The following CNTN4 variants were observed in gnomAD, a reference collection of about 807,000 sequenced individuals.
CNTN4 encodes contactin 4.
CNTN4 carries 77 observed loss-of-function variants against 122.5 expected under a neutral mutation model. That is an observed-to-expected ratio of 0.63 (90% CI 0.52 to 0.76). CNTN4 has a LOEUF of 0.76. CNTN4 is among the 30% of genes least tolerant of loss of function. The pLI is 0.00. For missense variants in CNTN4, 1,256 were observed against 1,259.1 expected, an observed-to-expected ratio of 1.00 and a Z score of 0.04; for synonymous variants, 512 against 447.0, an observed-to-expected ratio of 1.15 and a Z score of -1.83.
intron 2 of CNTN4, among the ~76,000 whole-genome samples, chr3:2,162,514 G>T (rs759875671): frequency 3.9e-5 from 6 of 152,106 alleles, no homozygotes; most frequent in South Asian, 2.1e-4. Flanking sequence ...AACCCATAAG[G>T]CTCCCCAGTC....
rs370235697 is a variant in CNTN4, at chr3:3,053,773, C to T, written c.2812-34C>T. 2.3e-4 allele frequency: 376 copies of T among 1,609,196 alleles called. No individual in the cohort carries two copies. In the African/African-American group the frequency reaches 3.4e-3, roughly 15 times the overall value. Reference sequence around the variant, plus strand: ...TCCATATTTGGGACCTTTGTGAAGACGGCAGGTGACACCTGTTCTTTCTGT... The same window carrying T: ...TCCATATTTGGGACCTTTGTGAAGATGGCAGGTGACACCTGTTCTTTCTGT... On this transcript the variant is annotated intron_variant, in intron 23 of 24. Transcript: ENST00000418658.
At chr3:2,861,705 A>AGT (rs147297697) in intron 7 of CNTN4, among the ~76,000 whole-genome samples, 2 of 151,990 alleles carry the variant, frequency 1.3e-5, no homozygotes, top group South Asian at 4.1e-4. Context: ...AATAAATAAG[A>AGT]GTGTGTGTGT....
chr3:2,445,659 A>T (rs918904346), intron 3 of CNTN4, among the ~76,000 whole-genome samples: 2 of 152,168 alleles, frequency 1.3e-5, no homozygotes, highest in Non-Finnish European at 2.9e-5. Flanking sequence ...TCATGTAATA[A>T]TTATTATTAT....
chr3:2,476,598 G>A (rs13068096), intron 3 of CNTN4, among the ~76,000 whole-genome samples: 20,420 of 152,142 alleles, frequency 0.13, 1,780 homozygotes, highest in Middle Eastern at 0.22. Context: ...TATATGTCCA[G>A]GAAAGGCCAA....
chr3:2,729,543 C>G (rs376008900), intron 4 of CNTN4, among the ~76,000 whole-genome samples: 1 of 70,052 alleles, frequency 1.4e-5, no homozygotes, highest in Non-Finnish European at 2.5e-5. Context: ...GACTCCATCT[C>G]AAAAAAAAAA....
chr3:2,451,347 G>A (rs1430301947), intron 3 of CNTN4, among the ~76,000 whole-genome samples: 2 of 151,112 alleles, frequency 1.3e-5, no homozygotes, highest in African/African-American at 4.9e-5. Context: ...ATACAATCTG[G>A]GGCATCACCA....
chr3:2,847,823 C>CCAGTCTGTGCCAGTCTGCCTG (rs1482720423), intron 7 of CNTN4, among the ~76,000 whole-genome samples: 1 of 152,174 alleles, frequency 6.6e-6, no homozygotes, highest in Non-Finnish European at 1.5e-5. Flanking sequence ...TTAGGGAATG[C>CCAGTCTGTGCCAGTCTGCCTG]CAGTCTGTGC....
At chr3:2,669,714 T>G (rs1196113104) in intron 4 of CNTN4, among the ~76,000 whole-genome samples, 2 of 152,220 alleles carry the variant, frequency 1.3e-5, no homozygotes, top group Non-Finnish European at 2.9e-5. Context: ...TTTCCTGCTT[T>G]CTCTTGTGGG....
chr3:2,956,800 T>C (rs931977081), intron 13 of CNTN4, among the ~76,000 whole-genome samples: 1 of 152,120 alleles, frequency 6.6e-6, no homozygotes, highest in African/African-American at 2.4e-5. Context: ...TTATTTCCCC[T>C]ACCTCCAGAG....
At chr3:2,625,150 C>G (rs78057323) in intron 4 of CNTN4, among the ~76,000 whole-genome samples, 6,233 of 152,148 alleles carry the variant, frequency 0.041, 202 homozygotes, top group Admixed American at 0.091. Context: ...TCAGTACATA[C>G]TGTAATCGTG....
At chr3:3,010,548 G>C (rs970316400) in intron 14 of CNTN4, among the ~76,000 whole-genome samples, 1 of 151,778 alleles carries the variant, frequency 6.6e-6, no homozygotes, top group Non-Finnish European at 1.5e-5. Context: ...TCATTGTGAC[G>C]AAGAAATGGA....
intron 2 of CNTN4, among the ~76,000 whole-genome samples, chr3:2,308,570 T>G (rs952256143): frequency 2.6e-5 from 4 of 152,054 alleles, no homozygotes; most frequent in East Asian, 3.9e-4. Context: ...TCTTTTAAGT[T>G]TTGGCATATT....
At chr3:3,004,314 C>T (rs1426459290) in intron 14 of CNTN4, among the ~76,000 whole-genome samples, 1 of 152,168 alleles carries the variant, frequency 6.6e-6, no homozygotes. Flanking sequence ...GATCCAGCCT[C>T]TACTCTGATA....
At chr3:3,031,203 G>A (rs1699132383) in intron 16 of CNTN4, among the ~76,000 whole-genome samples, 2 of 152,164 alleles carry the variant, frequency 1.3e-5, no homozygotes, top group Non-Finnish European at 2.9e-5. Context: ...TACACTAGAA[G>A]GATAATTGAG....
chr3:2,381,723 G>T (rs886819552), intron 3 of CNTN4, among the ~76,000 whole-genome samples: 5 of 152,024 alleles, frequency 3.3e-5, no homozygotes, highest in Non-Finnish European at 5.9e-5. Context: ...AACAAAGGCT[G>T]TTAAAGGCTC....
chr3:2,657,706 G>A (rs2083657529), intron 4 of CNTN4, among the ~76,000 whole-genome samples: 2 of 151,926 alleles, frequency 1.3e-5, no homozygotes, highest in African/African-American at 4.8e-5. Context: ...CTGTGGTTTG[G>A]GTAGAGATAG....
intron 8 of CNTN4, among the ~76,000 whole-genome samples, chr3:2,877,256 T>A (rs572243268): frequency 2.0e-5 from 3 of 152,234 alleles, no homozygotes; most frequent in Non-Finnish European, 4.4e-5. Flanking sequence ...GGGCACTGCA[T>A]ATGGCTTATT....
At chr3:2,249,208 C>T (rs772599845) in intron 2 of CNTN4, among the ~76,000 whole-genome samples, 20 of 151,786 alleles carry the variant, frequency 1.3e-4, no homozygotes, top group Non-Finnish European at 2.5e-4. Flanking sequence ...CTTCTGTCAC[C>T]AGCACTATTT....
chr3:2,980,102 C>A (rs911913982), intron 13 of CNTN4, among the ~76,000 whole-genome samples: 3 of 152,168 alleles, frequency 2.0e-5, no homozygotes, highest in Non-Finnish European at 4.4e-5. Context: ...CAACTCAGAG[C>A]CTCATGTGAA....
Sources: gnomAD v4.1 joint callset for allele counts (sites outside exome capture counted in the v4.1 genomes callset) on GRCh38, gnomAD v4.1.1 for gene constraint, MANE v1.5 for transcripts, NCBI Gene and HGNC (gene_info 2026-07-23, HGNC 2026-07-21) for gene names.